KIAA1328: variants seen among roughly 807,000 people sequenced by gnomAD.
KIAA1328 encodes the protein protein hinderin.
In KIAA1328, 52 loss-of-function variants were observed where a neutral mutation model predicts 68.1. That is an observed-to-expected ratio of 0.76 (90% CI 0.61 to 0.96). The LOEUF (loss-of-function observed/expected upper bound fraction) is 0.96, where lower values mean the gene tolerates loss of function less well. KIAA1328 is among the 40% of genes least tolerant of loss of function. The probability of loss-of-function intolerance (pLI) is 0.00; values close to 1 mark genes in which losing one functional copy is unlikely to be tolerated. For missense variants in KIAA1328, 641 were observed against 677.6 expected, an observed-to-expected ratio of 0.95 and a Z score of 0.60; for synonymous variants, 232 against 239.4, an observed-to-expected ratio of 0.97 and a Z score of 0.28.
At chr18:37,145,192 G>A (rs1042547260) in intron 7 of KIAA1328, among the ~76,000 whole-genome samples, 8 of 151,844 alleles carry the variant, frequency 5.3e-5, no homozygotes, top group Non-Finnish European at 1.2e-4. Flanking sequence ...GCAACAGGGT[G>A]AGAATCAGTC....
intron 6 of KIAA1328, among the ~76,000 whole-genome samples, chr18:37,004,275 T>C (rs1039956002): frequency 1.3e-5 from 2 of 152,014 alleles, no homozygotes; most frequent in African/African-American, 4.8e-5. Context: ...GCAGTGTTTG[T>C]AATTTTCCTT....
chr18:37,209,863 G>A (rs754116751), intron 9 of KIAA1328, among the ~76,000 whole-genome samples: 2 of 152,130 alleles, frequency 1.3e-5, no homozygotes, highest in African/African-American at 4.8e-5. Flanking sequence ...CAGGGGCAAG[G>A]TTGATATTGG....
intron 4 of KIAA1328, among the ~76,000 whole-genome samples, chr18:36,879,748 G>A (rs147254564): frequency 0.14 from 20,712 of 152,178 alleles, 1,754 homozygotes; most frequent in Admixed American, 0.18. Context: ...ATCTAGAGAG[G>A]CAGTCTGGCT....
At chr18:37,119,026 A>T (rs547789772) in intron 7 of KIAA1328, among the ~76,000 whole-genome samples, 18 of 152,300 alleles carry the variant, frequency 1.2e-4, no homozygotes, top group African/African-American at 4.1e-4. Context: ...AGAAGATTTC[A>T]TGAACATGAG....
intron 4 of KIAA1328, among the ~76,000 whole-genome samples, chr18:36,858,478 A>C (rs2047451933): frequency 6.6e-6 from 1 of 152,214 alleles, no homozygotes; most frequent in East Asian, 1.9e-4. Flanking sequence ...TATAACTATA[A>C]TATATTTATT....
chr18:36,840,700 C>T (rs946612668), intron 3 of KIAA1328, among the ~76,000 whole-genome samples: 1 of 152,108 alleles, frequency 6.6e-6, no homozygotes, highest in Non-Finnish European at 1.5e-5. Flanking sequence ...ATCCACCCAC[C>T]TCGGCCTCCG....
At position 37,066,009 on chromosome 18, in the gene KIAA1328, T is replaced by C. The variant is rs1057297048; in HGVS notation, c.577-881T>C. ...AAAGTGTGGTCCCAGATCAGCAACA[T>C]GAGCAAATTCTCTGACTCTGCTTCC... On this transcript the variant is annotated intron_variant, in intron 6 of 9. Transcript: ENST00000280020. Among the ~76,000 whole-genome samples, 7 of 152,330 alleles carry C rather than the reference T, an allele frequency of 4.6e-5. No individual in the cohort carries two copies. The East Asian group carries it at 1.2e-3, about 25-fold the overall frequency.
chr18:37,017,470 A>G (rs1047736407), intron 6 of KIAA1328, among the ~76,000 whole-genome samples: 3 of 152,056 alleles, frequency 2.0e-5, no homozygotes, highest in African/African-American at 7.2e-5. Context: ...ATAGATTTTT[A>G]TTACATCCAA....
chr18:37,114,391 A>G (rs966568202), intron 7 of KIAA1328, among the ~76,000 whole-genome samples: 13 of 152,206 alleles, frequency 8.5e-5, no homozygotes, highest in African/African-American at 3.1e-4. Context: ...AAACTGAACA[A>G]CCTGCTCCTG....
chr18:37,085,840 T>C (rs1205502203), intron 7 of KIAA1328, among the ~76,000 whole-genome samples: 3 of 152,144 alleles, frequency 2.0e-5, no homozygotes. Context: ...TCTCTACATA[T>C]ATAACATAGC....
intron 7 of KIAA1328, among the ~76,000 whole-genome samples, chr18:37,095,131 A>G (rs1268550497): frequency 6.6e-6 from 1 of 152,194 alleles, no homozygotes; most frequent in East Asian, 1.9e-4. Context: ...AAATACAACA[A>G]TAGTTGGGAA....
rs1037938084 is a variant in KIAA1328, at chr18:36,996,388, A to G, written c.576+36953A>G. Among the ~76,000 whole-genome samples, 2 of 152,332 alleles carry G rather than the reference A, an allele frequency of 1.3e-5. 1 individual carries two copies. Among genetic ancestry groups the G allele is most frequent in the East Asian group, 3.9e-4 (2 of 5,188 alleles). On this transcript the variant is annotated intron_variant, in intron 6 of 9. Coordinates refer to ENST00000280020, the MANE Select transcript of KIAA1328 (RefSeq NM_020776.3). ...CTGAAAGTCAGTTACTACAGCTGTA[A>G]TGAGTAGAGCCACGATTCTAACACT...
intron 7 of KIAA1328, among the ~76,000 whole-genome samples, chr18:37,076,792 T>C (rs2056754234): frequency 6.6e-6 from 1 of 152,040 alleles, no homozygotes; most frequent in Non-Finnish European, 1.5e-5. Context: ...AGGAAGAAGT[T>C]GAATCTCTGA....
At chr18:36,973,158 G>C (rs1428672766) in intron 6 of KIAA1328, among the ~76,000 whole-genome samples, 1 of 152,180 alleles carries the variant, frequency 6.6e-6, no homozygotes, top group Non-Finnish European at 1.5e-5. Context: ...AAAAGGATGA[G>C]TTCATGTCTT....
At chr18:37,124,835 A>G (rs755689316) in intron 7 of KIAA1328, among the ~76,000 whole-genome samples, 14 of 152,056 alleles carry the variant, frequency 9.2e-5, no homozygotes, top group Non-Finnish European at 1.9e-4. Flanking sequence ...CTATCCCTAC[A>G]TTCTTACATG....
rs1158397913 is a variant in KIAA1328 at position 37,160,262 on chromosome 18, A to G, written c.1295A>G (p.Gln432Arg). 4 of 1,613,678 alleles carry G rather than the reference A, an allele frequency of 2.5e-6. No individual in the cohort carries two copies. In the South Asian group the frequency reaches 4.4e-5, roughly 18 times the overall value. ...ACATCATCATCTATTAAAAAGCACC[A>G]AGACCCCCCAAACAGTGGAGAGAAT... is the stretch of plus-strand genomic sequence containing the variant. Reference protein sequence around the residue: ...LGTSSSIKKHQDPPNSGENRK... With the variant: ...LGTSSSIKKHRDPPNSGENRK... The change falls in exon 8 of 10, where the codon CAA (glutamine) becomes CGA (arginine). Residue 432 changes from glutamine to arginine, a missense_variant. By Grantham distance (43) the Gln-to-Arg change is conservative. Coordinates refer to ENST00000280020, the MANE Select transcript of KIAA1328 (RefSeq NM_020776.3).
chr18:37,228,517 C>CA (rs1329378701), downstream of KIAA1328, among the ~76,000 whole-genome samples: 2 of 152,020 alleles, frequency 1.3e-5, no homozygotes, highest in African/African-American at 4.8e-5. Context: ...CCTCAGTGAG[C>CA]AAAAAAAGAT....
intron 6 of KIAA1328, among the ~76,000 whole-genome samples, chr18:37,008,943 T>C (rs550792776): frequency 1.3e-5 from 2 of 152,170 alleles, no homozygotes; most frequent in African/African-American, 4.8e-5. Context: ...CTAACTTTTA[T>C]GTCATTGGAG....
At chr18:37,085,839 A>G (rs928402364) in intron 7 of KIAA1328, among the ~76,000 whole-genome samples, 2 of 151,940 alleles carry the variant, frequency 1.3e-5, no homozygotes, top group African/African-American at 2.4e-5. Flanking sequence ...CTCTCTACAT[A>G]TATAACATAG....
Sources: allele counts gnomAD v4.1 joint callset (sites outside exome capture counted in the v4.1 genomes callset), GRCh38; gene constraint gnomAD v4.1.1; transcripts MANE v1.5; gene names NCBI Gene and HGNC (gene_info 2026-07-23, HGNC 2026-07-21).